Variants in PRKN observed in about 807,000 individuals in gnomAD.
PRKN encodes E3 ubiquitin-protein ligase parkin.
A neutral mutation model predicts 59.5 loss-of-function variants in PRKN; 56 were observed. The ratio of observed to expected loss-of-function variants is 0.94; its 90% CI spans 0.76 to 1.18. The LOEUF is 1.18. PRKN is among the 50% of genes most tolerant of loss of function. PRKN has a pLI of 0.00. For missense variants in PRKN, 657 were observed against 596.4 expected (o/e 1.10, Z -1.06); for synonymous variants, 250 against 222.1 (o/e 1.13, Z -1.12).
intron 1 of PRKN, among the ~76,000 whole-genome samples, chr6:162,553,631 G>A (rs757595826): frequency 1.3e-5 from 2 of 151,270 alleles, no homozygotes; most frequent in Non-Finnish European, 2.9e-5. Context: ...ATTTGCTCAG[G>A]AAGTGCAATA....
chr6:161,636,843 A>T (rs1369119214), intron 7 of PRKN, among the ~76,000 whole-genome samples: 2 of 152,162 alleles, frequency 1.3e-5, no homozygotes, highest in Admixed American at 1.3e-4. Context: ...TCCGACCTAC[A>T]GAAAGGCAGG....
chr6:162,190,662 C>T (rs1266898500), intron 4 of PRKN, among the ~76,000 whole-genome samples: 3 of 152,220 alleles, frequency 2.0e-5, no homozygotes, highest in African/African-American at 7.2e-5. Flanking sequence ...TATCACAGTA[C>T]TGGTCTGTAC....
At chr6:162,714,146 G>C (rs567768266) in intron 1 of PRKN, among the ~76,000 whole-genome samples, 1 of 152,250 alleles carries the variant, frequency 6.6e-6, no homozygotes, top group African/African-American at 2.4e-5. Flanking sequence ...GGCATGTCCC[G>C]TGACTTAATT....
At chr6:161,472,782 T>C (rs1737458667) in intron 9 of PRKN, among the ~76,000 whole-genome samples, 1 of 152,074 alleles carries the variant, frequency 6.6e-6, no homozygotes, top group South Asian at 2.1e-4. Context: ...AAATGTAAAA[T>C]AAATGCCTAC....
chr6:161,427,962 A>G lies in PRKN; in HGVS notation c.1084-41085T>C, dbSNP rs202182273. 1.8e-4 allele frequency among the ~76,000 whole-genome samples: 27 copies of G among 152,236 alleles called. No individual in the cohort carries two copies. In the East Asian group the frequency reaches 5.0e-3, roughly 28 times the overall value. Reference sequence around the variant, plus strand: ...AAAACAGAGGTTTCCAGCACTGGAGAGAAGCTTTGGTGCGGGGATGGGCTC... The same window carrying G: ...AAAACAGAGGTTTCCAGCACTGGAGGGAAGCTTTGGTGCGGGGATGGGCTC... On this transcript the variant is annotated intron_variant, in intron 9 of 11. Transcript: ENST00000366898.
In PRKN at chr6:161,919,353, G is replaced by C. The variant is rs377533251; in HGVS notation, c.734+53949C>G. On this transcript the variant is annotated intron_variant, in intron 6 of 11. Coordinates refer to ENST00000366898, the MANE Select transcript of PRKN (RefSeq NM_004562.3). ...GATCAGTGTTTGCCTAGGGCTGAAG[G>C]TGGGAGTGAGGATGGCTCAAATATG... 7.2e-5 allele frequency among the ~76,000 whole-genome samples: 11 copies of C among 152,328 alleles called. No individual in the cohort carries two copies. The South Asian group carries it at 1.4e-3, about 20-fold the overall frequency.
At chr6:162,607,605 T>TA (rs1358676513) in intron 1 of PRKN, among the ~76,000 whole-genome samples, 1 of 151,928 alleles carries the variant, frequency 6.6e-6, no homozygotes, top group African/African-American at 2.4e-5. Context: ...ATCCCACTGA[T>TA]AAGATGAGGC....
intron 4 of PRKN, among the ~76,000 whole-genome samples, chr6:162,095,531 C>T (rs1418630346): frequency 3.3e-5 from 5 of 152,124 alleles, no homozygotes; most frequent in African/African-American, 9.7e-5. Flanking sequence ...TCAGCAGTTA[C>T]GATCGCTGAC....
intron 5 of PRKN, among the ~76,000 whole-genome samples, chr6:162,044,211 C>G (rs140075403): frequency 6.6e-6 from 1 of 152,348 alleles, no homozygotes; most frequent in African/African-American, 2.4e-5. Flanking sequence ...ACAGACTTCG[C>G]AACTGCTGTC....
At chr6:161,724,194 C>T (rs1161699311) in intron 7 of PRKN, among the ~76,000 whole-genome samples, 1 of 152,202 alleles carries the variant, frequency 6.6e-6, no homozygotes, top group East Asian at 1.9e-4. Flanking sequence ...CCTAGTAATG[C>T]TACTGCAGAG....
intron 3 of PRKN, among the ~76,000 whole-genome samples, chr6:162,258,064 T>TAAAAAATAAG (rs1779727786): frequency 6.6e-6 from 1 of 152,188 alleles, no homozygotes; most frequent in Non-Finnish European, 1.5e-5. Context: ...CTGTCGCCTC[T>TAAAAAATAAG]GCCATTTGGC....
Position 162,502,618 on chromosome 6 carries a change from C to T in PRKN, c.8-59145G>A, listed in dbSNP as rs192862256. Among the ~76,000 whole-genome samples, 628 of 152,186 alleles carry T rather than the reference C, an allele frequency of 4.1e-3. 1 individual carries two copies. Among genetic ancestry groups the T allele is most frequent in the Admixed American group, 6.1e-3 (93 of 15,280 alleles). Reference sequence around the variant, plus strand: ...CAATTCATTATGGCTCATTTCTTATCATTAATATTTTCATTTAAAATTATA... The same window carrying T: ...CAATTCATTATGGCTCATTTCTTATTATTAATATTTTCATTTAAAATTATA... On this transcript the variant is annotated intron_variant, in intron 1 of 11. Coordinates refer to ENST00000366898, the MANE Select transcript of PRKN (RefSeq NM_004562.3).
chr6:161,446,802 C>G lies in PRKN; in HGVS notation c.1084-59925G>C, dbSNP rs990175974. On this transcript the variant is annotated intron_variant, in intron 9 of 11. Coordinates refer to ENST00000366898, the MANE Select transcript of PRKN (RefSeq NM_004562.3). This position sits in a 1 kb window ranked among gnomAD's most constrained non-coding sequence, Gnocchi z 6.2. Reference sequence around the variant, plus strand: ...TGGGAGGTGGCAACTGCAGAACAGACAGCTCTTTGGATTTCTTTAAATTGC... The same window carrying G: ...TGGGAGGTGGCAACTGCAGAACAGAGAGCTCTTTGGATTTCTTTAAATTGC... 3.3e-5 allele frequency among the ~76,000 whole-genome samples: 5 copies of G among 152,152 alleles called. No homozygotes were observed. The highest frequency in any genetic ancestry group is 9.7e-5 in the African/African-American group (4 of 41,432).
intron 2 of PRKN, among the ~76,000 whole-genome samples, chr6:162,342,140 T>A (rs1050322081): frequency 1.3e-5 from 2 of 152,200 alleles, no homozygotes; most frequent in Non-Finnish European, 2.9e-5. Context: ...TGTTCTTTAG[T>A]TCTGTGTCAA....
chr6:161,991,022 T>C (rs1164985986), intron 5 of PRKN, among the ~76,000 whole-genome samples: 1 of 152,154 alleles, frequency 6.6e-6, no homozygotes, highest in Non-Finnish European at 1.5e-5. Flanking sequence ...TCATGTCATA[T>C]ATAAAGCTAT....
chr6:162,176,520 A>C (rs947213279), intron 4 of PRKN, among the ~76,000 whole-genome samples: 1 of 152,190 alleles, frequency 6.6e-6, no homozygotes, highest in South Asian at 2.1e-4. Context: ...AAGGCCATCT[A>C]TTCAAAGAAA....
chr6:162,083,592 A>G (rs1312474007), intron 4 of PRKN, among the ~76,000 whole-genome samples: 1 of 152,124 alleles, frequency 6.6e-6, no homozygotes, highest in African/African-American at 2.4e-5. Flanking sequence ...AAAAAGAGAA[A>G]TAATTTTTTT....
chr6:161,732,017 G>A (rs1430131524), intron 7 of PRKN, among the ~76,000 whole-genome samples: 2 of 151,872 alleles, frequency 1.3e-5, no homozygotes, highest in Admixed American at 6.6e-5. Flanking sequence ...TGCATGTCAC[G>A]GGGGTTTGGT....
chr6:161,508,922 A>G (rs59880761), intron 9 of PRKN, among the ~76,000 whole-genome samples: 12,294 of 151,206 alleles, frequency 0.081, 726 homozygotes, highest in African/African-American at 0.16. Flanking sequence ...TTGGCTCACC[A>G]CAACCTCTGC....
Sources: allele counts gnomAD v4.1 joint callset (sites outside exome capture counted in the v4.1 genomes callset), GRCh38; gene constraint gnomAD v4.1.1; non-coding constraint Gnocchi (gnomAD v3.1); transcripts MANE v1.5; gene names NCBI Gene and HGNC (gene_info 2026-07-23, HGNC 2026-07-21).